CDON: variants seen among roughly 807,000 people sequenced by gnomAD.
The protein encoded by CDON is cell adhesion molecule-related/down-regulated by oncogenes.
A neutral mutation model predicts 120.9 loss-of-function variants in CDON; 73 were observed. That is an observed-to-expected ratio of 0.60 (90% CI 0.50 to 0.73). CDON has a LOEUF of 0.73. Among genes scored for constraint, CDON ranks in the 30% least tolerant of loss-of-function variants. The probability of loss-of-function intolerance (pLI) is 0.00; values close to 1 mark genes in which losing one functional copy is unlikely to be tolerated. For missense variants in CDON, 1,470 were observed against 1,587.3 expected (o/e 0.93, Z 1.26); for synonymous variants, 566 against 573.5 (o/e 0.99, Z 0.19).
At chr11:126,039,789 C>T (rs527829678) in intron 1 of CDON, among the ~76,000 whole-genome samples, 4 of 152,212 alleles carry the variant, frequency 2.6e-5, no homozygotes, top group African/African-American at 4.8e-5. Context: ...AGAGTCCCAT[C>T]CCTGTCTTCT....
At chr11:126,042,192 GATTT>G (rs1392161441) in intron 1 of CDON, among the ~76,000 whole-genome samples, 1 of 151,942 alleles carries the variant, frequency 6.6e-6, no homozygotes, top group Non-Finnish European at 1.5e-5. Flanking sequence ...CCAATTTGCT[GATTT>G]ATTTACATAA....
Position 125,997,826 on chromosome 11 carries a change from T to C in CDON, c.2159-416A>G, listed in dbSNP as rs148412166. Among the ~76,000 whole-genome samples the C allele has an allele frequency of 3.6e-3, 554 of 152,324 alleles. 3 individuals are homozygous for C. The highest frequency in any genetic ancestry group is 0.013 in the African/African-American group (534 of 41,562). ...TCTATCCAAGCTACACAAAATGCAC[T>C]CAGCAATCTACTAATTCTTATACTA... On this transcript the variant is annotated intron_variant, in intron 11 of 19. Transcript: ENST00000531738.
At chr11:126,050,527 C>G (rs1169336790) in intron 1 of CDON, among the ~76,000 whole-genome samples, 1 of 150,374 alleles carries the variant, frequency 6.7e-6, no homozygotes, top group Non-Finnish European at 1.5e-5. Flanking sequence ...CACACACACA[C>G]ACACAAACAA....
intron 1 of CDON, among the ~76,000 whole-genome samples, chr11:126,036,040 G>T (rs955992644): frequency 6.6e-6 from 1 of 151,922 alleles, no homozygotes; most frequent in African/African-American, 2.4e-5. Flanking sequence ...ATACAGAAAA[G>T]GTACATACAC....
intron 1 of CDON, among the ~76,000 whole-genome samples, chr11:126,053,886 T>C (rs1182714090): frequency 6.6e-6 from 1 of 152,238 alleles, no homozygotes; most frequent in Non-Finnish European, 1.5e-5. Flanking sequence ...CACTGTGTTG[T>C]TGTTTTGTCA....
In CDON at chr11:125,961,651, T is replaced by C. The variant is rs550750533; in HGVS notation, c.3631+73A>G. 4 of 1,600,708 alleles carry C rather than the reference T, an allele frequency of 2.5e-6. No individual in the cohort carries two copies. The African/African-American group carries it at 4.0e-5, about 16-fold the overall frequency. On this transcript the variant is annotated intron_variant, in intron 19 of 19. Transcript: ENST00000531738. ...TCATAGAGGGGAAACTCTGAAAGCA[T>C]CACCTTCCCATACACAGCTCTTAGC...
intron 9 of CDON, chr11:126,005,460 A>G (rs1433538941): frequency 1.3e-5 from 5 of 398,810 alleles, no homozygotes; most frequent in Middle Eastern, 7.2e-4. Flanking sequence ...AGAGGGAAGG[A>G]ATTTGTGTTT....
chr11:126,018,750 G>C (rs1565533131), intron 4 of CDON, among the ~76,000 whole-genome samples: 1 of 151,800 alleles, frequency 6.6e-6, no homozygotes, highest in African/African-American at 2.4e-5. Context: ...TAAATTTTTT[G>C]TAGAGATGGG....
rs1947275755 is a variant in CDON at position 126,010,683 on chromosome 11, T to C, written c.1210A>G (p.Lys404Glu). ...RLEIENDGGF[K>E]PVIITAPVSA... ...ACTGGTGCCGTAATTATAACTGGCTTGAATCCACCGTCTATTAAAAAAGTA... is the reference window on the plus strand; with the variant it reads ...ACTGGTGCCGTAATTATAACTGGCTCGAATCCACCGTCTATTAAAAAAGTA... Residue 404 changes from lysine to glutamate, a missense_variant, in exon 8 of 20, where the codon AAG becomes GAG. Coordinates refer to ENST00000531738, the MANE Select transcript of CDON (RefSeq NM_001378964.1). 7 of 1,613,862 alleles carry C rather than the reference T, an allele frequency of 4.3e-6. 1 individual carries two copies. The highest frequency in any genetic ancestry group is 1.3e-5 in the African/African-American group (1 of 75,040).
intron 1 of CDON, among the ~76,000 whole-genome samples, chr11:126,039,481 T>C (rs1262937962): frequency 1.3e-5 from 2 of 152,244 alleles, no homozygotes; most frequent in African/African-American, 4.8e-5. Flanking sequence ...GGTTAGCTGC[T>C]TCTCATTTCA....
Position 125,959,483 on chromosome 11 carries a change from C to T in CDON, c.*1459G>A, listed in dbSNP as rs543696791. The T allele has an allele frequency of 2.8e-4, 43 of 152,196 alleles. No individual in the cohort carries two copies. The highest frequency in any genetic ancestry group is 1.0e-3 in the African/African-American group (42 of 41,504). The allele number at this position is 152,196 out of a possible 1,614,324, so 9.4% of individuals were successfully genotyped here. On this transcript the variant is annotated 3_prime_UTR_variant, in exon 20 of 20. Coordinates refer to ENST00000531738, the MANE Select transcript of CDON (RefSeq NM_001378964.1). ...CAAAGGCAGCTGCAAATGTCCTTGT[C>T]ACGCAGAGGCAGCCGTGGTCAGGAG...
intron 11 of CDON, among the ~76,000 whole-genome samples, chr11:125,999,702 A>C (rs1946886716): frequency 6.6e-6 from 1 of 151,964 alleles, no homozygotes; most frequent in African/African-American, 2.4e-5. Context: ...CCATTCCCTT[A>C]ATCTCTCATA....
chr11:125,971,209 C>T (rs947039713), intron 18 of CDON, among the ~76,000 whole-genome samples: 4 of 151,928 alleles, frequency 2.6e-5, no homozygotes, highest in Non-Finnish European at 5.9e-5. Flanking sequence ...CAGTGAAACC[C>T]CATCTCTACT....
chr11:126,002,209 G>C (rs513798), intron 10 of CDON, among the ~76,000 whole-genome samples: 51,939 of 151,972 alleles, frequency 0.34, 9,152 homozygotes, highest in African/African-American at 0.38. Flanking sequence ...CACCATTAAA[G>C]AGCTTCTGCT....
chr11:125,966,120 A>C (rs1945792192), intron 18 of CDON, among the ~76,000 whole-genome samples: 1 of 150,462 alleles, frequency 6.6e-6, no homozygotes, highest in Non-Finnish European at 1.5e-5. Flanking sequence ...CTGGGCAAGA[A>C]GCGCGAAATT....
chr11:126,045,217 G>A (rs565954885), intron 1 of CDON, among the ~76,000 whole-genome samples: 3 of 152,190 alleles, frequency 2.0e-5, no homozygotes, highest in East Asian at 3.9e-4. Context: ...TAGTAGAGAC[G>A]GAGTTTCACC....
At chr11:126,020,002 TGGAGA>T (rs763444643) in intron 3 of CDON, among the ~76,000 whole-genome samples, 15,752 of 151,010 alleles carry the variant, frequency 0.1, 851 homozygotes, top group Admixed American at 0.13. Flanking sequence ...AGCCAAGCAG[TGGAGA>T]GCCACTGCAC....
intron 9 of CDON, 89 bp from the exon 10 acceptor site, chr11:126,004,165 T>A: frequency 3.1e-6 from 4 of 1,302,022 alleles, no homozygotes; most frequent in Non-Finnish European, 4.3e-6. Context: ...CTAGGATTCA[T>A]TTAATTCTAG....
intron 18 of CDON, among the ~76,000 whole-genome samples, chr11:125,966,345 C>T (rs899383904): frequency 1.3e-5 from 2 of 151,904 alleles, no homozygotes; most frequent in African/African-American, 2.4e-5. Context: ...GTAAAGTAAC[C>T]GAACTTTAAG....
Sources: gnomAD v4.1 joint callset for allele counts (sites outside exome capture counted in the v4.1 genomes callset) on GRCh38, gnomAD v4.1.1 for gene constraint, MANE v1.5 for transcripts, NCBI Gene and HGNC (gene_info 2026-07-23, HGNC 2026-07-21) for gene names.